The following AP3D1 variants were observed in gnomAD, a reference collection of about 807,000 sequenced individuals.
The protein encoded by AP3D1 is adaptor related protein complex 3 subunit delta 1, also known as AP-3 complex subunit delta-1.
A neutral mutation model predicts 147.6 loss-of-function variants in AP3D1; 51 were observed. The ratio of observed to expected loss-of-function variants is 0.35; its 90% confidence interval spans 0.28 to 0.44. The LOEUF is 0.44. Ranked by LOEUF, AP3D1 falls within the 20% of genes least tolerant of loss-of-function variation. AP3D1 has a pLI of 1.00. For synonymous variants in AP3D1, 760 were observed against 663.0 expected (o/e 1.15, Z -2.25); for missense variants, 1,421 against 1,624.2 (o/e 0.87, Z 2.15).
intron 6 of AP3D1, among the ~76,000 whole-genome samples, chr19:2,129,842 G>A (rs985394184): frequency 2.0e-5 from 3 of 152,204 alleles, no homozygotes; most frequent in African/African-American, 7.2e-5. Flanking sequence ...ACCACTCCAG[G>A]GAGAAGCTCG....
rs747599851 is a variant in AP3D1, at chr19:2,123,841, C to A, written c.895G>T (p.Ala299Ser). The A allele has an allele frequency of 1.3e-6, 2 of 1,575,888 alleles. No individual in the cohort carries two copies. Among genetic ancestry groups the A allele is most frequent in the Non-Finnish European group, 1.7e-6 (2 of 1,160,972 alleles). Residue 299 changes from alanine (A) to serine (S), a missense_variant, in exon 10 of 32, where the codon GCC (alanine) becomes TCC (serine). Transcript: ENST00000643116. ...SLSSGMPNHSASIQLCVQKLR... is the reference protein window; with the variant it reads ...SLSSGMPNHSSSIQLCVQKLR... ...AGTGCGGGACGTACCTGGATGCTGGCGCTGTGGTTGGGCATGCCGGAGGAC... is the reference window on the plus strand; with the variant it reads ...AGTGCGGGACGTACCTGGATGCTGGAGCTGTGGTTGGGCATGCCGGAGGAC...
intron 14 of AP3D1, among the ~76,000 whole-genome samples, chr19:2,119,951 G>A (rs925291542): frequency 4.6e-5 from 7 of 152,116 alleles, no homozygotes; most frequent in South Asian, 2.1e-4. Context: ...ACTCTGTCTC[G>A]GGGCGAGGGG....
intron 1 of AP3D1, among the ~76,000 whole-genome samples, chr19:2,161,158 T>G (rs1342665083): frequency 7.2e-6 from 1 of 139,156 alleles, no homozygotes; most frequent in Non-Finnish European, 1.6e-5. Flanking sequence ...TCTCCTAGTT[T>G]TTTTTTTTTT....
upstream of AP3D1, among the ~76,000 whole-genome samples, chr19:2,151,925 G>C (rs1043257330): frequency 3.9e-5 from 6 of 152,240 alleles, no homozygotes; most frequent in Non-Finnish European, 8.8e-5. Flanking sequence ...TCCCGAGGAA[G>C]ACTGGAGCTC....
intron 6 of AP3D1, 64 bp downstream of exon 6, chr19:2,130,344 C>G: frequency 6.2e-7 from 1 of 1,606,302 alleles, no homozygotes; most frequent in Non-Finnish European, 8.5e-7. Flanking sequence ...ACGCCACCAC[C>G]TCTTCCCAGG....
chr19:2,113,113 T>C, intron 23 of AP3D1, 146 bp from the exon 24 acceptor site: 3 of 655,756 alleles, frequency 4.6e-6, no homozygotes, highest in South Asian at 2.0e-5. Context: ...ACAGGGAGCC[T>C]GTGAGCACAG....
intron 4 of AP3D1, among the ~76,000 whole-genome samples, chr19:2,136,160 G>A (rs958979437): frequency 2.0e-5 from 3 of 152,348 alleles, no homozygotes; most frequent in East Asian, 3.9e-4. Context: ...CGGCCCAGGC[G>A]GGACGCCCAG....
intron 9 of AP3D1, among the ~76,000 whole-genome samples, chr19:2,126,846 G>A (rs2018771910): frequency 6.6e-6 from 1 of 152,068 alleles, no homozygotes; most frequent in African/African-American, 2.4e-5. Context: ...GTATGAGGAG[G>A]GGCTTTATCT....
At chr19:2,159,114 C>A (rs562359080) in intron 1 of AP3D1, among the ~76,000 whole-genome samples, 1 of 152,066 alleles carries the variant, frequency 6.6e-6, no homozygotes, top group Admixed American at 6.6e-5. Flanking sequence ...CTCAGCCTCC[C>A]GAGTAGCTGG....
chr19:2,152,409 G>A (rs2019559955), upstream of AP3D1, among the ~76,000 whole-genome samples: 1 of 152,026 alleles, frequency 6.6e-6, no homozygotes, highest in Non-Finnish European at 1.5e-5. Flanking sequence ...TGGGTGTGAT[G>A]GTGGGCACCT....
At chr19:2,145,742 C>T (rs903093691) in intron 1 of AP3D1, among the ~76,000 whole-genome samples, 4 of 152,148 alleles carry the variant, frequency 2.6e-5, no homozygotes, top group African/African-American at 9.7e-5. Flanking sequence ...CCACATGCCT[C>T]GGCCTTGAAG....
At chr19:2,148,477 T>C (rs193250173) in intron 1 of AP3D1, among the ~76,000 whole-genome samples, 1 of 152,372 alleles carries the variant, frequency 6.6e-6, no homozygotes, top group African/African-American at 2.4e-5. Context: ...TTTTCCTTTT[T>C]CTTACCTAGC....
At chr19:2,114,032 A>G in intron 22 of AP3D1, 93 bp downstream of exon 22, 1 of 1,471,002 alleles carries the variant, frequency 6.8e-7, no homozygotes, top group Admixed American at 2.6e-5. Flanking sequence ...ACTCAGACTC[A>G]CAGCCATTTC....
At position 2,151,424 on chromosome 19, in the gene AP3D1, C is replaced by T. The variant is rs2019508938; in HGVS notation, c.-90G>A. The T allele has an allele frequency of 1.4e-5, 12 of 847,312 alleles. No individual in the cohort carries two copies. The highest frequency in any genetic ancestry group is 1.8e-5 in the Non-Finnish European group (12 of 675,806). The allele number at this position is 847,312 out of a possible 1,614,324, so 52.5% of individuals were successfully genotyped here. A position where few individuals can be genotyped will look rare whatever the true frequency, so the allele number is the denominator to read the frequency against. ...CCCGTGCCTGCCGCCCGCGGAGCGC[C>T]GCGCTGCCGGCCGCTGCGGCGGGGC... On this transcript the variant is annotated 5_prime_UTR_variant, in exon 1 of 32. Coordinates refer to ENST00000643116, the MANE Select transcript of AP3D1 (RefSeq NM_001261826.3).
chr19:2,121,955 G>A (rs1345898503), intron 11 of AP3D1, 76 bp from the exon 12 acceptor site: 24 of 1,485,366 alleles, frequency 1.6e-5, no homozygotes, highest in Admixed American at 4.8e-5. Context: ...ACGGCTCTCC[G>A]GGCCGGGTCT....
intron 16 of AP3D1, 49 bp from the exon 17 acceptor site, chr19:2,116,795 G>A (rs751612863): frequency 3.9e-6 from 6 of 1,545,186 alleles, no homozygotes; most frequent in East Asian, 2.3e-5. Flanking sequence ...CCGAGCACGC[G>A]CCTGCAGGCG....
At position 2,118,702 on chromosome 19, in the gene AP3D1, CCTT is replaced by C; in HGVS notation, c.1609_1611del (p.Lys537del). 1.2e-6 allele frequency: 2 copies of C among 1,613,570 alleles called. No homozygotes were observed. Among genetic ancestry groups the C allele is most frequent in the Non-Finnish European group, 1.7e-6 (2 of 1,180,008 alleles). ...GCGCCCTCTGCCTCCCCGGCCTGCT[CCTT>C]CTGCTGCAGGATGGAGGCGTAGAGC... On this transcript the variant is annotated inframe_deletion, in exon 15 of 32. Transcript: ENST00000643116.
chr19:2,128,156 C>A (rs773403753), intron 8 of AP3D1, among the ~76,000 whole-genome samples: 1 of 152,154 alleles, frequency 6.6e-6, no homozygotes, highest in Non-Finnish European at 1.5e-5. Flanking sequence ...GGGGTCCTGG[C>A]TCCGCCTCAG....
At chr19:2,127,549 G>C (rs1411604983) in intron 8 of AP3D1, among the ~76,000 whole-genome samples, 1 of 152,216 alleles carries the variant, frequency 6.6e-6, no homozygotes, top group African/African-American at 2.4e-5. Flanking sequence ...TTCTGAGACG[G>C]AGTCTCGCTC....
Sources: gnomAD v4.1 joint callset for allele counts (sites outside exome capture counted in the v4.1 genomes callset) on GRCh38, gnomAD v4.1.1 for gene constraint, MANE v1.5 for transcripts, NCBI Gene and HGNC (gene_info 2026-07-23, HGNC 2026-07-21) for gene names.